Variants in LAMC3 observed in about 807,000 individuals in gnomAD.
LAMC3 encodes the protein laminin subunit gamma-3.
Under a neutral mutation model 173.8 loss-of-function variants are expected in LAMC3, and 128 were observed. The observed-to-expected ratio is 0.74, with a 90% CI of 0.64 to 0.85. The LOEUF is 0.85. Ranked by LOEUF, LAMC3 falls within the 40% of genes least tolerant of loss-of-function variation. The probability of loss-of-function intolerance (pLI) is 0.00; values close to 1 mark genes in which losing one functional copy is unlikely to be tolerated. For missense variants in LAMC3, 2,022 were observed against 2,156.0 expected (o/e 0.94, Z 1.23); for synonymous variants, 897 against 909.1 (o/e 0.99, Z 0.24).
chr9:131,036,390 A>G (rs941474199), intron 4 of LAMC3, 58 bp downstream of exon 4: 7 of 1,598,152 alleles, frequency 4.4e-6, no homozygotes, highest in Non-Finnish European at 3.4e-6. Context: ...GCAGGCGGGG[A>G]AAGGAACTCC....
At chr9:131,017,974 C>T (rs1199484571) in intron 1 of LAMC3, among the ~76,000 whole-genome samples, 1 of 151,780 alleles carries the variant, frequency 6.6e-6, no homozygotes, top group Non-Finnish European at 1.5e-5. Flanking sequence ...TGCAGTGAAC[C>T]GAGATCGCAC....
rs1391285488 is a variant in LAMC3, at chr9:131,087,386, T to G, written c.4231-90T>G. 6 of 1,484,808 alleles carry G rather than the reference T, an allele frequency of 4.0e-6. No individual in the cohort carries two copies. In the Admixed American group the frequency reaches 1.0e-4, roughly 25 times the overall value. The allele number at this position is 1,484,808 out of a possible 1,614,324, so 92.0% of individuals were successfully genotyped here. On this transcript the variant is annotated intron_variant, in intron 25 of 27. Coordinates refer to ENST00000361069, the MANE Select transcript of LAMC3 (RefSeq NM_006059.4). ...GAATGATCTGCCTGGTACAGACAACTGCTTGGCATCATTGCCATAAGAGCT... is the reference window on the plus strand; with the variant it reads ...GAATGATCTGCCTGGTACAGACAACGGCTTGGCATCATTGCCATAAGAGCT...
intron 1 of LAMC3, among the ~76,000 whole-genome samples, chr9:131,014,372 C>T (rs1360079817): frequency 6.6e-6 from 1 of 152,240 alleles, no homozygotes; most frequent in East Asian, 1.9e-4. Flanking sequence ...CTGCCGATCC[C>T]TGTGCTGAGC....
At position 131,075,811 on chromosome 9, in the gene LAMC3, A is replaced by G. The variant is rs1170054419; in HGVS notation, c.3495-20A>G. On this transcript the variant is annotated intron_variant, in intron 20 of 27. Coordinates refer to ENST00000361069, the MANE Select transcript of LAMC3 (RefSeq NM_006059.4). ...TCCCTGCGAGCCCTTGGTAATGCTCAGGTGGGTGTCCTCACACAGCCACAG... is the reference window on the plus strand; with the variant it reads ...TCCCTGCGAGCCCTTGGTAATGCTCGGGTGGGTGTCCTCACACAGCCACAG... 6.2e-7 allele frequency: 1 copy of G among 1,605,404 alleles called. No homozygotes were observed. Among genetic ancestry groups the G allele is most frequent in the Non-Finnish European group, 8.5e-7 (1 of 1,177,192 alleles).
chr9:131,052,694 C>T lies in LAMC3; in HGVS notation c.1823+11C>T. ...AGAGCTCAGGTTCCAGTAAGTATCC[C>T]CTTCTGTCCTGAGAGATGGGGAGGT... is the stretch of plus-strand genomic sequence containing the variant. On this transcript the variant is annotated intron_variant, in intron 10 of 27. Coordinates refer to ENST00000361069, the MANE Select transcript of LAMC3 (RefSeq NM_006059.4). 1 of 1,611,282 alleles carries T rather than the reference C, an allele frequency of 6.2e-7. No individual in the cohort carries two copies. The highest frequency in any genetic ancestry group is 1.3e-5 in the African/African-American group (1 of 75,008).
rs528460820 is a variant in LAMC3 at position 131,039,255 on chromosome 9, G to A, written c.1283+7G>A. 5 of 1,598,970 alleles carry A rather than the reference G, an allele frequency of 3.1e-6. No individual in the cohort carries two copies. The highest frequency in any genetic ancestry group is 4.2e-6 in the Non-Finnish European group (5 of 1,177,120). ...TCAGTGAGGGAGGCTGCAGGTGAGGGCGAGGGGCGGCCCAGTATGGACACA... is the reference window on the plus strand; with the variant it reads ...TCAGTGAGGGAGGCTGCAGGTGAGGACGAGGGGCGGCCCAGTATGGACACA... On this transcript the variant is annotated splice_region_variant and intron_variant, in intron 6 of 27. Coordinates refer to ENST00000361069, the MANE Select transcript of LAMC3 (RefSeq NM_006059.4).
At chr9:131,054,003 TAAA>T (rs767164633) in intron 11 of LAMC3, among the ~76,000 whole-genome samples, 1 of 130,322 alleles carries the variant, frequency 7.7e-6, no homozygotes, top group Non-Finnish European at 1.7e-5. Flanking sequence ...ACCTTGTCTC[TAAA>T]AAAAAAAAAA....
intron 13 of LAMC3, among the ~76,000 whole-genome samples, chr9:131,066,144 G>A (rs573098892): frequency 8.6e-5 from 13 of 152,030 alleles, no homozygotes; most frequent in Admixed American, 3.3e-4. Flanking sequence ...GCAGTGAGCC[G>A]AAATTGCGCC....
At chr9:131,032,825 C>T (rs537011848) in intron 3 of LAMC3, among the ~76,000 whole-genome samples, 9 of 152,292 alleles carry the variant, frequency 5.9e-5, no homozygotes, top group African/African-American at 2.2e-4. Context: ...TGCGCCACCA[C>T]GCCCGGCTAA....
chr9:131,009,355 C>T lies in LAMC3; in HGVS notation c.141C>T (p.Leu47=), dbSNP rs1488654804. The stretch of plus-strand genomic sequence containing the variant: ...TCGAGAACGCGGCGTTTGGGCGGCT[C>T]GCCCAGGCCTCGCACACGTGCGGCA... ...PVFENAAFGR[L]AQASHTCGSP... is the part of the protein sequence containing the mutation. The change falls in exon 1 of 28, where the codon CTC becomes CTT. Residue 47 remains leucine (L), a synonymous_variant. Coordinates refer to ENST00000361069, the MANE Select transcript of LAMC3 (RefSeq NM_006059.4). The surrounding 1 kb of genome is among the most constrained non-coding windows in gnomAD (Gnocchi z 4.3). The T allele has an allele frequency of 1.6e-5, 24 of 1,503,126 alleles. No homozygotes were observed. Among genetic ancestry groups the T allele is most frequent in the South Asian group, 5.0e-5 (4 of 80,158 alleles). 93.1% of individuals were successfully genotyped at this position (1,503,126 alleles called of 1,614,324 possible).
rs547318171 is a variant in LAMC3, at chr9:131,068,145, C to T, written c.2661C>T (p.Cys887=). Residue 887 remains cysteine, a synonymous_variant, in exon 15 of 28, where the codon TGC becomes TGT. Transcript: ENST00000361069. ...QMPCDPVTGQ[C]SCLPHVTARD... ...CCTGCGACCCAGTGACAGGCCAATG[C>T]TCCTGCCTGCCTCATGTGACTGCAC... The T allele has an allele frequency of 8.4e-5, 136 of 1,613,378 alleles. 1 individual carries two copies. The South Asian group carries it at 1.4e-3, about 17-fold the overall frequency.
intron 12 of LAMC3, among the ~76,000 whole-genome samples, chr9:131,057,904 G>T (rs1161762099): frequency 1.3e-5 from 2 of 152,100 alleles, no homozygotes; most frequent in Non-Finnish European, 2.9e-5. Context: ...GCATGTGCTA[G>T]TCACCTTCTC....
In LAMC3 at chr9:131,087,859, T is replaced by TG. The variant is rs764014459; in HGVS notation, c.4477+46dup. 2.7e-6 allele frequency: 4 copies of TG among 1,497,576 alleles called. No homozygotes were observed. The African/African-American group carries it at 5.5e-5, about 21-fold the overall frequency. The allele number at this position is 1,497,576 out of a possible 1,614,324, so 92.8% of individuals were successfully genotyped here. On this transcript the variant is annotated intron_variant, in intron 27 of 27. Transcript: ENST00000361069. ...GCTGGGCCCTGAACCCCTGGGTCCC[T>TG]GGGGCACCTCTAGGATCTTCCTGTG...
chr9:131,081,386 C>A lies in LAMC3; in HGVS notation c.3928-673C>A, dbSNP rs143729469. Among the ~76,000 whole-genome samples, 740 of 152,220 alleles carry A rather than the reference C, an allele frequency of 4.9e-3. 6 individuals are homozygous for A. The highest frequency in any genetic ancestry group is 0.016 in the African/African-American group (648 of 41,514). On this transcript the variant is annotated intron_variant, in intron 23 of 27. Transcript: ENST00000361069. ...GATCTTCCATAAGTCAAGGTGGTGTCATAAACAGATTTGCGATTTTCACAT... is the reference window on the plus strand; with the variant it reads ...GATCTTCCATAAGTCAAGGTGGTGTAATAAACAGATTTGCGATTTTCACAT...
At chr9:131,036,706 G>A (rs1050314093) in intron 4 of LAMC3, among the ~76,000 whole-genome samples, 6 of 152,154 alleles carry the variant, frequency 3.9e-5, no homozygotes, top group East Asian at 1.9e-4. Context: ...CCTCTCCCAC[G>A]GGCCCCCAGG....
At chr9:131,078,989 C>T (rs771960133) in intron 22 of LAMC3, among the ~76,000 whole-genome samples, 160 bp from the exon 23 acceptor site, 7 of 152,268 alleles carry the variant, frequency 4.6e-5, no homozygotes, top group Non-Finnish European at 5.9e-5. Context: ...CTACCTGGGG[C>T]ATCAGCTAGG....
chr9:131,061,725 T>C (rs938783469), intron 13 of LAMC3, among the ~76,000 whole-genome samples: 6 of 152,164 alleles, frequency 3.9e-5, no homozygotes, highest in African/African-American at 1.4e-4. Context: ...ATTGAGATAC[T>C]ATTCATATAC....
intron 13 of LAMC3, among the ~76,000 whole-genome samples, chr9:131,066,206 A>C (rs1308179580): frequency 6.6e-6 from 1 of 151,406 alleles, no homozygotes; most frequent in African/African-American, 2.4e-5. Flanking sequence ...AAAAAATAAA[A>C]ATAGCCGGTT....
At position 131,052,892 on chromosome 9, in the gene LAMC3, C is replaced by G. The variant is rs537785027; in HGVS notation, c.1866C>G (p.Pro622=). 5.0e-6 allele frequency: 8 copies of G among 1,614,022 alleles called. No individual in the cohort carries two copies. In the African/African-American group the frequency reaches 6.7e-5, roughly 13 times the overall value. The change falls in exon 11 of 28, where the codon CCC becomes CCG. Residue 622 remains proline (P), a synonymous_variant. Coordinates refer to ENST00000361069, the MANE Select transcript of LAMC3 (RefSeq NM_006059.4). The stretch of plus-strand genomic sequence containing the variant: ...AGGACGTGGCCCCTCCACTGCCCCC[C>G]TTCCACTTCCAGCGGCTCCTCGCCA... The part of the protein sequence containing the change: ...TSEDVAPPLP[P]FHFQRLLANL...
Sources: allele counts gnomAD v4.1 joint callset (sites outside exome capture counted in the v4.1 genomes callset), GRCh38; gene constraint gnomAD v4.1.1; non-coding constraint Gnocchi (gnomAD v3.1); transcripts MANE v1.5; gene names NCBI Gene and HGNC (gene_info 2026-07-23, HGNC 2026-07-21).